Variants in LRRC61 observed in about 807,000 individuals in gnomAD.
The protein encoded by LRRC61 is leucine-rich repeat-containing protein 61.
Under a neutral mutation model 15.1 loss-of-function variants are expected in LRRC61, and 9 were observed. That is an observed-to-expected ratio of 0.60 (90% CI 0.36 to 1.04). The LOEUF is 1.04. LRRC61 is among the 50% of genes least tolerant of loss of function. The probability of loss-of-function intolerance (pLI) is 0.01; values close to 1 mark genes in which losing one functional copy is unlikely to be tolerated. For synonymous variants in LRRC61, 173 were observed against 158.6 expected (o/e 1.09, Z -0.68); for missense variants, 344 against 335.6 (o/e 1.03, Z -0.20).
rs961070923 is a variant in LRRC61 at position 150,337,191 on chromosome 7, C to T, written c.330C>T (p.Ala110=). 3 of 1,607,064 alleles carry T rather than the reference C, an allele frequency of 1.9e-6. No individual in the cohort carries two copies. In the Admixed American group the frequency reaches 5.0e-5, roughly 27 times the overall value. ...QSLNAAGNLL[A]TPGQLQCLAG... is the part of the protein sequence containing the mutation. ...TCAATGCCGCAGGCAACCTACTGGC[C>T]ACCCCGGGCCAGCTGCAGTGTCTGG... The change falls in exon 3 of 3, where the codon GCC becomes GCT. Residue 110 remains alanine, a synonymous_variant. Transcript: ENST00000359623.
the LRRC61 span, among the ~76,000 whole-genome samples, chr7:150,311,241 G>T: frequency 0.039 from 5,895 of 152,126 alleles, 370 homozygotes; most frequent in African/African-American, 0.14. Flanking sequence ...ACCTTTTTCC[G>T]TCCACACAGC....
Position 150,336,939 on chromosome 7 carries a change from C to T in LRRC61, c.78C>T (p.Gly26=), listed in dbSNP as rs1311509946. The T allele has an allele frequency of 5.0e-6, 8 of 1,613,750 alleles. No homozygotes were observed. In the East Asian group the frequency reaches 8.9e-5, roughly 18 times the overall value. ...CCCAGCTGCTGAAGTCACGCACAGG[C>T]GAGTTCTCCCTGGAGTCCATCCTGC... ...ITPQLLKSRT[G]EFSLESILLL... Residue 26 remains glycine, a synonymous_variant, in exon 3 of 3, where the codon GGC becomes GGT. Coordinates refer to ENST00000359623, the MANE Select transcript of LRRC61 (RefSeq NM_001142928.2).
Position 150,330,630 on chromosome 7 carries a change from T to G in LRRC61, c.-145+4620T>G, listed in dbSNP as rs1325862309. On this transcript the variant is annotated intron_variant, in intron 2 of 2. Transcript: ENST00000359623. The surrounding 1 kb of genome is among the most constrained non-coding windows in gnomAD (Gnocchi z 4.6). ...CCGCGAGGAGTTTGTGCTGGCCACC[T>G]TGCTGGACCCTTGCTTCAAGGGGAA... is the stretch of plus-strand genomic sequence containing the variant. 1 of 921,448 alleles carries G rather than the reference T, an allele frequency of 1.1e-6. No homozygotes were observed. The highest frequency in any genetic ancestry group is 1.8e-6 in the Non-Finnish European group (1 of 546,976). 57.1% of individuals were successfully genotyped at this position (921,448 alleles called of 1,614,324 possible).
the LRRC61 span, among the ~76,000 whole-genome samples, chr7:150,310,297 T>C: frequency 6.6e-6 from 1 of 152,080 alleles, no homozygotes; most frequent in Admixed American, 6.5e-5. Flanking sequence ...CCCCTTACCA[T>C]TCCATTAAAA....
rs761974091 is a variant in LRRC61, at chr7:150,336,897, C to T, written c.36C>T (p.Gly12=). ...CAGCGGAGAAGCCGGGAGAGGCTGG[C>T]GGACTGCAGATCACACCCCAGCTGC... is the stretch of plus-strand genomic sequence containing the variant. The part of the protein sequence containing the change: ...DPPAEKPGEA[G]GLQITPQLLK... The change falls in exon 3 of 3, where the codon GGC becomes GGT. Residue 12 remains glycine (G), a synonymous_variant. Transcript: ENST00000359623. 9.1e-6 allele frequency: 14 copies of T among 1,538,572 alleles called. No individual in the cohort carries two copies. The highest frequency in any genetic ancestry group is 2.4e-5 in the East Asian group (1 of 41,166).
chr7:150,312,068 G>A, the LRRC61 span, among the ~76,000 whole-genome samples: 11 of 152,120 alleles, frequency 7.2e-5, no homozygotes, highest in African/African-American at 2.4e-4. Context: ...AGAAACCAAC[G>A]GATCTTATTG....
At chr7:150,314,350 A>T in the LRRC61 span, among the ~76,000 whole-genome samples, 1 of 152,194 alleles carries the variant, frequency 6.6e-6, no homozygotes, top group African/African-American at 2.4e-5. Context: ...ATTTTTCCTT[A>T]AACTATTAAT....
At chr7:150,324,242 C>T (rs908270888) in intron 1 of LRRC61, 2 of 157,248 alleles carry the variant, frequency 1.3e-5, no homozygotes, top group African/African-American at 4.8e-5. Flanking sequence ...AGTAGACACT[C>T]TGTCCCCCTG....
the LRRC61 span, among the ~76,000 whole-genome samples, chr7:150,317,345 G>A: frequency 2.6e-5 from 4 of 152,180 alleles, no homozygotes; most frequent in Admixed American, 6.5e-5. Context: ...AGGCCACTGC[G>A]CCCAGCCTTC....
In LRRC61 at chr7:150,337,711, A is replaced by C; in HGVS notation, c.*70A>C. On this transcript the variant is annotated 3_prime_UTR_variant, in exon 3 of 3. Transcript: ENST00000359623. ...CCCCAGTTCCCCTCTCTGCCCCCAC[A>C]CTCGTCTTAGTTGCTTCACACTGGT... 1 of 1,451,094 alleles carries C rather than the reference A, an allele frequency of 6.9e-7. No individual in the cohort carries two copies. Among genetic ancestry groups the C allele is most frequent in the Non-Finnish European group, 9.2e-7 (1 of 1,087,750 alleles). The allele number at this position is 1,451,094 out of a possible 1,614,324, so 89.9% of individuals were successfully genotyped here.
the LRRC61 span, among the ~76,000 whole-genome samples, chr7:150,313,128 C>T: frequency 3.3e-5 from 5 of 152,210 alleles, no homozygotes; most frequent in Non-Finnish European, 5.9e-5. Flanking sequence ...TTAACTGTAA[C>T]TTTCCACTAC....
chr7:150,336,566 T>C (rs1798298452), intron 2 of LRRC61, among the ~76,000 whole-genome samples, 152 bp from the exon 3 acceptor site: 1 of 152,238 alleles, frequency 6.6e-6, no homozygotes, highest in South Asian at 2.1e-4. Context: ...GTCACTCAGA[T>C]GGCTTTTGTG....
chr7:150,326,913 C>G (rs898604057), intron 2 of LRRC61, among the ~76,000 whole-genome samples: 3 of 152,136 alleles, frequency 2.0e-5, no homozygotes, highest in African/African-American at 4.8e-5. Context: ...GCCTTCAGTT[C>G]TTGGATTTAT....
the LRRC61 span, among the ~76,000 whole-genome samples, chr7:150,316,647 A>T: frequency 1.3e-5 from 2 of 152,006 alleles, no homozygotes; most frequent in Admixed American, 6.6e-5. Context: ...CATCACGCTC[A>T]GCTAATTTTT....
At chr7:150,315,642 A>C in the LRRC61 span, among the ~76,000 whole-genome samples, 7 of 151,886 alleles carry the variant, frequency 4.6e-5, no homozygotes, top group Non-Finnish European at 1.0e-4. Flanking sequence ...CTCACAGTGA[A>C]AACACCCTCT....
At position 150,330,512 on chromosome 7, in the gene LRRC61, G is replaced by A; in HGVS notation, c.-145+4502G>A. 1.3e-6 allele frequency: 1 copy of A among 779,946 alleles called. No individual in the cohort carries two copies. Among genetic ancestry groups the A allele is most frequent in the South Asian group, 1.3e-5 (1 of 74,468 alleles). 48.3% of individuals were successfully genotyped at this position (779,946 alleles called of 1,614,324 possible). On this transcript the variant is annotated intron_variant, in intron 2 of 2. Transcript: ENST00000359623. This position sits in a 1 kb window ranked among gnomAD's most constrained non-coding sequence, Gnocchi z 4.6. ...AGCAGGTTCACACACACTTTCAGGA[G>A]CAGAGTGTCGGGGAGAGGGGCGCAG...
chr7:150,331,752 G>T (rs1026787178), intron 2 of LRRC61: 5 of 167,220 alleles, frequency 3.0e-5, no homozygotes, highest in African/African-American at 1.2e-4. Context: ...TGTGCTGGCA[G>T]GTGGGATATG....
At chr7:150,334,645 C>A (rs1798229382) in intron 2 of LRRC61, among the ~76,000 whole-genome samples, 1 of 152,244 alleles carries the variant, frequency 6.6e-6, no homozygotes, top group African/African-American at 2.4e-5. Context: ...CCCCACGCCA[C>A]ACTCACTCAA....
chr7:150,311,634 CACA>C, the LRRC61 span, among the ~76,000 whole-genome samples: 5 of 152,218 alleles, frequency 3.3e-5, no homozygotes, highest in Middle Eastern at 3.2e-3. Flanking sequence ...CTCCCTAATA[CACA>C]TAGCATCTTC....
Sources: gnomAD v4.1 joint callset for allele counts (sites outside exome capture counted in the v4.1 genomes callset) on GRCh38, gnomAD v4.1.1 for gene constraint, Gnocchi (gnomAD v3.1) non-coding constraint, MANE v1.5 for transcripts, NCBI Gene and HGNC (gene_info 2026-07-23, HGNC 2026-07-21) for gene names.